Variants in UBAP1 observed in about 807,000 individuals in gnomAD.
The protein encoded by UBAP1 is ubiquitin-associated protein 1.
In UBAP1, 5 loss-of-function variants were observed where a neutral mutation model predicts 39.0. The observed-to-expected ratio is 0.13, with a 90% CI of 0.07 to 0.27. The LOEUF is 0.27. Among genes scored for constraint, UBAP1 ranks in the 10% least tolerant of loss-of-function variants. The pLI is 1.00. For synonymous variants in UBAP1, 211 were observed against 225.1 expected (o/e 0.94, Z 0.56); for missense variants, 490 against 608.1 (o/e 0.81, Z 2.04).
chr9:34,228,517 A>G (rs1231079342), intron 2 of UBAP1, among the ~76,000 whole-genome samples: 1 of 151,886 alleles, frequency 6.6e-6, no homozygotes, highest in Non-Finnish European at 1.5e-5. Flanking sequence ...ACCATCATTA[A>G]TAGTACTTAC....
At chr9:34,237,708 T>C (rs1459038003) in intron 3 of UBAP1, among the ~76,000 whole-genome samples, 2 of 151,976 alleles carry the variant, frequency 1.3e-5, no homozygotes, top group South Asian at 2.1e-4. Context: ...GCTGGGACTA[T>C]TGGCATGCAC....
intron 2 of UBAP1, among the ~76,000 whole-genome samples, chr9:34,222,232 C>A: frequency 6.6e-6 from 1 of 152,160 alleles, no homozygotes; most frequent in East Asian, 1.9e-4. Flanking sequence ...TTGATAAGAT[C>A]ACTCAGCTGA....
chr9:34,215,599 A>G (rs189489716), intron 1 of UBAP1, among the ~76,000 whole-genome samples: 18 of 152,062 alleles, frequency 1.2e-4, no homozygotes, highest in East Asian at 7.7e-4. Context: ...TGCTCGGGTG[A>G]TGGGTGCACC....
Position 34,252,191 on chromosome 9 carries a change from G to A in UBAP1, c.*659G>A, listed in dbSNP as rs916146784. ...TGGACCACAGTCCTCTGCTACCCAGGGTTTTAGAGCCCCTGCTCTAGGAAA... is the reference window on the plus strand; with the variant it reads ...TGGACCACAGTCCTCTGCTACCCAGAGTTTTAGAGCCCCTGCTCTAGGAAA... On this transcript the variant is annotated 3_prime_UTR_variant, in exon 7 of 7. Transcript: ENST00000297661. 6.6e-6 allele frequency: 1 copy of A among 152,502 alleles called. No homozygotes were observed. Among genetic ancestry groups the A allele is most frequent in the Non-Finnish European group, 1.5e-5 (1 of 68,054 alleles). 9.4% of individuals were successfully genotyped at this position (152,502 alleles called of 1,614,324 possible). A position where few individuals can be genotyped will look rare whatever the true frequency, so the allele number is the denominator to read the frequency against.
chr9:34,228,411 T>G (rs1259135689), intron 2 of UBAP1, among the ~76,000 whole-genome samples: 8 of 142,048 alleles, frequency 5.6e-5, no homozygotes, highest in Non-Finnish European at 7.6e-5. Context: ...GTGCGAGACT[T>G]CATCTCAAAA....
intron 1 of UBAP1, among the ~76,000 whole-genome samples, chr9:34,180,795 CTT>C (rs11285458): frequency 1.0e-3 from 151 of 144,260 alleles, no homozygotes; most frequent in African/African-American, 2.5e-3. Flanking sequence ...GGAAAAAAAA[CTT>C]TTTTTTTTTT....
intron 2 of UBAP1, among the ~76,000 whole-genome samples, chr9:34,226,105 TTGTGTGTGTG>T (rs74180553): frequency 9.3e-4 from 82 of 88,302 alleles, no homozygotes; most frequent in Middle Eastern, 5.3e-3. Flanking sequence ...TCCTACTCTA[TTGTGTGTGTG>T]TGTGTGTGTG....
Position 34,241,618 on chromosome 9 carries a change from A to G in UBAP1, c.593A>G (p.Asn198Ser), listed in dbSNP as rs140180675. The stretch of plus-strand genomic sequence containing the variant: ...CCCATTATGGCTCAGTTATTGGACA[A>G]TAACTTGCCCAGGGGAGGCTCTGGG... ...TGPIMAQLLD[N>S]NLPRGGSGSV... The change falls in exon 4 of 7, where the codon AAT becomes AGT. Residue 198 changes from asparagine to serine, a missense_variant. By Grantham distance (46) the Asn-to-Ser change is conservative. This residue lies in a region of UBAP1 where 339 missense variants were observed against 390.0 expected (regional missense o/e 0.87). Transcript: ENST00000297661. The G allele has an allele frequency of 6.6e-4, 1,066 of 1,614,170 alleles. 4 individuals carry two copies. Among genetic ancestry groups the G allele is most frequent in the Middle Eastern group, 3.0e-3 (18 of 6,062 alleles).
At chr9:34,197,758 C>T (rs1186194290) in intron 1 of UBAP1, among the ~76,000 whole-genome samples, 6 of 152,154 alleles carry the variant, frequency 3.9e-5, no homozygotes, top group Non-Finnish European at 7.3e-5. Context: ...CCATGTTGGC[C>T]AGGCTTGTCT....
intron 1 of UBAP1, among the ~76,000 whole-genome samples, chr9:34,180,113 G>A (rs1051688756): frequency 6.6e-6 from 1 of 152,194 alleles, no homozygotes; most frequent in Non-Finnish European, 1.5e-5. Context: ...GAATAGATAT[G>A]ATGGATGTTT....
chr9:34,226,105 T>TTGTGTGTGTGTG (rs74180553), intron 2 of UBAP1, among the ~76,000 whole-genome samples: 29 of 88,274 alleles, frequency 3.3e-4, no homozygotes, highest in African/African-American at 8.6e-4. Context: ...TCCTACTCTA[T>TTGTGTGTGTGTG]TGTGTGTGTG....
chr9:34,215,774 T>C (rs868038870), intron 1 of UBAP1, among the ~76,000 whole-genome samples: 17 of 151,928 alleles, frequency 1.1e-4, no homozygotes, highest in African/African-American at 2.4e-4. Flanking sequence ...CACACATACA[T>C]GTATGTACAT....
chr9:34,218,825 A>C (rs1832494735), intron 1 of UBAP1, among the ~76,000 whole-genome samples: 1 of 152,088 alleles, frequency 6.6e-6, no homozygotes, highest in Admixed American at 6.5e-5. Flanking sequence ...AATCCCAGCT[A>C]CTCAGGGAAG....
chr9:34,226,119 G>GTGAGTGTGTGTGTGTGTGTGTGTGTT (rs1833053924), intron 2 of UBAP1, among the ~76,000 whole-genome samples: 1 of 97,458 alleles, frequency 1.0e-5, no homozygotes, highest in Admixed American at 1.2e-4. Context: ...GTGTGTGTGT[G>GTGAGTGTGTGTGTGTGTGTGTGTGTT]TGTGTGTGTG....
intron 1 of UBAP1, among the ~76,000 whole-genome samples, chr9:34,215,735 GTGTACATATATATA>G (rs1832274045): frequency 1.3e-5 from 2 of 151,760 alleles, no homozygotes; most frequent in South Asian, 2.1e-4. Flanking sequence ...GGTGAAACGT[GTGTACATATATATA>G]TGTACACACA....
chr9:34,249,790 T>C lies in UBAP1; in HGVS notation c.1095T>C (p.Pro365=). Residue 365 remains proline, a synonymous_variant, in exon 5 of 7, where the codon CCT becomes CCC. Transcript: ENST00000297661. ...PPNTGPTVTP[P]NFSVSQVPNM... is the part of the protein sequence containing the mutation. ...TGTTTTTCCACTAGGTCACCCCTCCTAATTTCTCAGTGTCACAAGTGCCCA... is the reference window on the plus strand; with the variant it reads ...TGTTTTTCCACTAGGTCACCCCTCCCAATTTCTCAGTGTCACAAGTGCCCA... 6.2e-7 allele frequency: 1 copy of C among 1,614,080 alleles called. No individual in the cohort carries two copies. Among genetic ancestry groups the C allele is most frequent in the South Asian group, 1.1e-5 (1 of 91,078 alleles).
At chr9:34,212,157 A>C (rs769757515) in intron 1 of UBAP1, 2 of 209,964 alleles carry the variant, frequency 9.5e-6, no homozygotes, top group Non-Finnish European at 2.0e-5. Context: ...CCCTGTGATT[A>C]ATTATAGCTT....
At chr9:34,195,848 C>T (rs756030109) in intron 1 of UBAP1, among the ~76,000 whole-genome samples, 68 of 149,162 alleles carry the variant, frequency 4.6e-4, no homozygotes, top group South Asian at 1.5e-3. Context: ...CCACCTGCCT[C>T]GGCTTCCCAA....
intron 1 of UBAP1, among the ~76,000 whole-genome samples, chr9:34,204,830 TGAC>T (rs1831595068): frequency 6.6e-6 from 1 of 152,160 alleles, no homozygotes; most frequent in African/African-American, 2.4e-5. Context: ...AATAACTTGT[TGAC>T]ATTATTTTTT....
Sources: allele counts gnomAD v4.1 joint callset (sites outside exome capture counted in the v4.1 genomes callset), GRCh38; gene constraint gnomAD v4.1.1; regional missense constraint gnomAD v4.1.1; transcripts MANE v1.5; gene names NCBI Gene and HGNC (gene_info 2026-07-23, HGNC 2026-07-21).